The following DEPTOR variants were observed in gnomAD, a reference collection of about 807,000 sequenced individuals.
DEPTOR encodes DEP domain-containing mTOR-interacting protein.
Under a neutral mutation model 41.6 loss-of-function variants are expected in DEPTOR, and 41 were observed. The observed-to-expected ratio is 0.98, with a 90% confidence interval of 0.77 to 1.28. DEPTOR has a LOEUF of 1.28. Among genes scored for constraint, DEPTOR ranks in the 50% most tolerant of loss-of-function variants. The probability of loss-of-function intolerance (pLI) is 0.00; values close to 1 mark genes in which losing one functional copy is unlikely to be tolerated. For synonymous variants in DEPTOR, 195 were observed against 192.3 expected (o/e 1.01, Z -0.12); for missense variants, 514 against 527.9 (o/e 0.97, Z 0.26).
At chr8:120,042,091 A>G (rs1037342407) in intron 8 of DEPTOR, among the ~76,000 whole-genome samples, 2 of 105,120 alleles carry the variant, frequency 1.9e-5, no homozygotes, top group African/African-American at 1.0e-4. Flanking sequence ...AGATAATTAT[A>G]AGGAAAAAAA....
intron 8 of DEPTOR, among the ~76,000 whole-genome samples, chr8:120,019,256 G>C (rs952650854): frequency 1.3e-5 from 2 of 152,144 alleles, no homozygotes; most frequent in Non-Finnish European, 2.9e-5. Flanking sequence ...AGTGAGCCGA[G>C]ATTGCGCCAC....
Position 119,965,411 on chromosome 8 carries a change from GTGAGCGTA to G in DEPTOR, c.604+3_604+10del, listed in dbSNP as rs779331511. 6.2e-7 allele frequency: 1 copy of G among 1,613,150 alleles called. No individual in the cohort carries two copies. Among genetic ancestry groups the G allele is most frequent in the East Asian group, 2.2e-5 (1 of 44,870 alleles). On this transcript the variant is annotated splice_donor_variant and splice_donor_5th_base_variant and intron_variant, in intron 4 of 8. Coordinates refer to ENST00000286234, the MANE Select transcript of DEPTOR (RefSeq NM_022783.4). LOFTEE classifies it high-confidence loss of function. ...ATGGAGCATGGCATCATCCAGCATGGTGAGCGTATTGGGCAGCTTTTGCTGCAGGAACA... is the reference window on the plus strand; with the variant it reads ...ATGGAGCATGGCATCATCCAGCATGGTTGGGCAGCTTTTGCTGCAGGAACA...
intron 1 of DEPTOR, among the ~76,000 whole-genome samples, chr8:119,881,232 T>A (rs555195973): frequency 6.6e-6 from 1 of 152,214 alleles, no homozygotes; most frequent in South Asian, 2.1e-4. Flanking sequence ...AGAAAAAAGG[T>A]AAAAACAGGC....
intron 8 of DEPTOR, among the ~76,000 whole-genome samples, chr8:120,038,672 A>T (rs2130192706): frequency 6.6e-6 from 1 of 152,294 alleles, no homozygotes; most frequent in East Asian, 1.9e-4. Context: ...CTTAGACACC[A>T]GGCTAGGATG....
Position 119,877,491 on chromosome 8 carries a change from G to C in DEPTOR, c.122+3523G>C, listed in dbSNP as rs151124101. The stretch of plus-strand genomic sequence containing the variant: ...GTAGCTCCCCTCTCACTGCAGGATT[G>C]TAAGTGCTTTGCAATGTCCAGGCCT... On this transcript the variant is annotated intron_variant, in intron 1 of 8. Coordinates refer to ENST00000286234, the MANE Select transcript of DEPTOR (RefSeq NM_022783.4). Among the ~76,000 whole-genome samples, 11 of 152,302 alleles carry C rather than the reference G, an allele frequency of 7.2e-5. No individual in the cohort carries two copies. In the East Asian group the frequency reaches 2.1e-3, roughly 29 times the overall value.
intron 8 of DEPTOR, among the ~76,000 whole-genome samples, chr8:120,020,100 T>A (rs1469876439): frequency 6.6e-6 from 1 of 152,130 alleles, no homozygotes; most frequent in East Asian, 1.9e-4. Flanking sequence ...CTTGTTTGTT[T>A]GTTTTGAGAC....
chr8:119,907,769 ACT>A (rs1827682755), intron 1 of DEPTOR, among the ~76,000 whole-genome samples: 1 of 139,996 alleles, frequency 7.1e-6, no homozygotes, highest in South Asian at 2.3e-4. Context: ...ACAGAGAGAG[ACT>A]CTGTCTCAAA....
Position 119,889,316 on chromosome 8 carries a change from G to T in DEPTOR, c.122+15348G>T, listed in dbSNP as rs372064494. 1.1e-4 allele frequency among the ~76,000 whole-genome samples: 17 copies of T among 151,930 alleles called. No homozygotes were observed. In the East Asian group the frequency reaches 1.6e-3, roughly 14 times the overall value. ...GATCCCAGCACTTTGGGAGGCTGAGGTCGGAAGATGGCTTGAGCCTATGAG... is the reference window on the plus strand; with the variant it reads ...GATCCCAGCACTTTGGGAGGCTGAGTTCGGAAGATGGCTTGAGCCTATGAG... On this transcript the variant is annotated intron_variant, in intron 1 of 8. Transcript: ENST00000286234.
chr8:119,994,670 T>C (rs1017997130), intron 4 of DEPTOR, among the ~76,000 whole-genome samples: 3 of 152,042 alleles, frequency 2.0e-5, no homozygotes, highest in Non-Finnish European at 4.4e-5. Context: ...GTAATGCCAG[T>C]ACTTTGGGAG....
intron 8 of DEPTOR, among the ~76,000 whole-genome samples, chr8:120,015,555 G>A (rs1812595627): frequency 6.6e-6 from 1 of 152,184 alleles, no homozygotes; most frequent in Non-Finnish European, 1.5e-5. Flanking sequence ...TGGCTCCAAT[G>A]AGTGGAGGAA....
intron 1 of DEPTOR, among the ~76,000 whole-genome samples, chr8:119,894,428 G>A (rs544800619): frequency 2.5e-5 from 2 of 79,700 alleles, no homozygotes; most frequent in Non-Finnish European, 3.0e-5. Flanking sequence ...ACAGAGTCTC[G>A]CTCTGTTGCC....
At chr8:119,995,588 CAAA>C (rs773251025) in intron 4 of DEPTOR, among the ~76,000 whole-genome samples, 4 of 92,406 alleles carry the variant, frequency 4.3e-5, no homozygotes, top group Non-Finnish European at 2.2e-5. Flanking sequence ...TCCTCTGTCT[CAAA>C]AAAAAAAAAA....
chr8:119,919,994 G>C (rs190880060), intron 1 of DEPTOR, among the ~76,000 whole-genome samples: 4 of 152,272 alleles, frequency 2.6e-5, no homozygotes, highest in Admixed American at 6.5e-5. Flanking sequence ...ATGGTCTGAT[G>C]CAATTTCAGC....
chr8:119,939,717 C>T (rs553232402), intron 3 of DEPTOR, among the ~76,000 whole-genome samples: 153 of 152,056 alleles, frequency 1.0e-3, no homozygotes, highest in African/African-American at 3.5e-3. Context: ...TCAAGTGATC[C>T]GCCTGACTCA....
chr8:119,988,956 T>C (rs1330137631), intron 4 of DEPTOR, among the ~76,000 whole-genome samples: 9 of 117,162 alleles, frequency 7.7e-5, no homozygotes, highest in African/African-American at 2.2e-4. Context: ...CCTTTTTTTT[T>C]TCTTTTTTTT....
At chr8:120,023,261 G>A (rs1812748712) in intron 8 of DEPTOR, among the ~76,000 whole-genome samples, 2 of 149,958 alleles carry the variant, frequency 1.3e-5, no homozygotes, top group South Asian at 4.2e-4. Context: ...TTTGTTTTTT[G>A]AGACAGTCTC....
intron 3 of DEPTOR, among the ~76,000 whole-genome samples, chr8:119,950,831 C>T (rs1828342808): frequency 6.6e-6 from 1 of 152,150 alleles, no homozygotes; most frequent in African/African-American, 2.4e-5. Context: ...CTCCTGGCCT[C>T]AAGAGATCTG....
At chr8:120,013,777 C>G (rs537605947) in intron 8 of DEPTOR, among the ~76,000 whole-genome samples, 24 of 152,234 alleles carry the variant, frequency 1.6e-4, no homozygotes, top group Non-Finnish European at 2.9e-4. Flanking sequence ...GGGGGCAGAG[C>G]CCTGCATCTG....
intron 8 of DEPTOR, among the ~76,000 whole-genome samples, chr8:120,039,138 C>T (rs940159222): frequency 3.3e-5 from 5 of 152,166 alleles, no homozygotes; most frequent in Admixed American, 3.3e-4. Flanking sequence ...GGTCAGAGCC[C>T]TCATGAATGG....
Sources: gnomAD v4.1 joint callset for allele counts (sites outside exome capture counted in the v4.1 genomes callset) on GRCh38, gnomAD v4.1.1 for gene constraint, MANE v1.5 for transcripts, NCBI Gene and HGNC (gene_info 2026-07-23, HGNC 2026-07-21) for gene names.